The following LOC122539214 variants were observed in gnomAD, a reference collection of about 807,000 sequenced individuals.
At chr19:52,667,060 A>G in the LOC122539214 span, among the ~76,000 whole-genome samples, 1 of 152,212 alleles carries the variant, frequency 6.6e-6, no homozygotes, top group Middle Eastern at 3.2e-3. Context: ...TATTAATAGC[A>G]AAGAATTGAA....
the LOC122539214 span, among the ~76,000 whole-genome samples, chr19:52,675,332 A>C: frequency 1.3e-5 from 2 of 152,356 alleles, no homozygotes; most frequent in South Asian, 4.1e-4. Context: ...CATGTACTTA[A>C]GCACAATAGT....
chr19:52,666,237 CAAAG>C, the LOC122539214 span, among the ~76,000 whole-genome samples: 35 of 148,474 alleles, frequency 2.4e-4, no homozygotes, highest in Admixed American at 2.1e-3. Context: ...AAAAGGGAGT[CAAAG>C]AGAGAGGGAG....
At chr19:52,674,480 A>C in the LOC122539214 span, among the ~76,000 whole-genome samples, 1 of 152,176 alleles carries the variant, frequency 6.6e-6, no homozygotes, top group East Asian at 1.9e-4. Context: ...GAAATAAATA[A>C]AATTTTATTT....
the LOC122539214 span, among the ~76,000 whole-genome samples, chr19:52,689,860 G>T: frequency 1.3e-4 from 20 of 152,366 alleles, no homozygotes; most frequent in Admixed American, 2.0e-4. Flanking sequence ...GGGCAGGCAA[G>T]AACACCCCGT....
At chr19:52,670,082 G>C in the LOC122539214 span, among the ~76,000 whole-genome samples, 3 of 151,634 alleles carry the variant, frequency 2.0e-5, no homozygotes, top group African/African-American at 7.3e-5. Context: ...AACCTTTTTC[G>C]ATCACCTGCT....
the LOC122539214 span, among the ~76,000 whole-genome samples, chr19:52,666,364 G>T: frequency 6.6e-6 from 1 of 151,940 alleles, no homozygotes; most frequent in African/African-American, 2.4e-5. Context: ...GATAATTGAA[G>T]GTCTTCTCCA....
the LOC122539214 span, chr19:52,652,957 T>C: frequency 7.8e-7 from 1 of 1,274,200 alleles, no homozygotes; most frequent in Non-Finnish European, 1.1e-6. Flanking sequence ...ACTGAAGGTC[T>C]TGCCACACTC....
the LOC122539214 span, among the ~76,000 whole-genome samples, chr19:52,678,848 G>A: frequency 6.6e-6 from 1 of 151,978 alleles, no homozygotes; most frequent in South Asian, 2.1e-4. Flanking sequence ...GGTGGTACAT[G>A]CCTGTAATCC....
the LOC122539214 span, among the ~76,000 whole-genome samples, chr19:52,677,978 T>G: frequency 6.6e-6 from 1 of 151,684 alleles, no homozygotes; most frequent in Non-Finnish European, 1.5e-5. Flanking sequence ...GAGGTTGCAG[T>G]GAGCCAAGAT....
chr19:52,657,406 C>T, the LOC122539214 span, among the ~76,000 whole-genome samples: 1 of 151,990 alleles, frequency 6.6e-6, no homozygotes, highest in East Asian at 1.9e-4. Flanking sequence ...GTCAGCAGTT[C>T]GGAGACCAGC....
the LOC122539214 span, among the ~76,000 whole-genome samples, chr19:52,680,738 G>A: frequency 2.8e-4 from 39 of 137,696 alleles, no homozygotes; most frequent in Non-Finnish European, 4.1e-4. Context: ...TCAGCCTCCC[G>A]AGTAACTGGG....
chr19:52,666,482 A>G, the LOC122539214 span, among the ~76,000 whole-genome samples: 2 of 152,036 alleles, frequency 1.3e-5, no homozygotes, highest in Non-Finnish European at 2.9e-5. Flanking sequence ...AAAATCCTTA[A>G]CCCAGTAAAC....
chr19:52,661,905 A>C, the LOC122539214 span, among the ~76,000 whole-genome samples: 1 of 140,340 alleles, frequency 7.1e-6, no homozygotes, highest in Non-Finnish European at 1.6e-5. Context: ...CTTGCAGCTG[A>C]TGGGACAGAG....
chr19:52,652,071 C>T, the LOC122539214 span: 2 of 239,014 alleles, frequency 8.4e-6, no homozygotes, highest in Non-Finnish European at 1.7e-5. Flanking sequence ...AAGACATTGC[C>T]ACACCTATTC....
At chr19:52,666,412 G>T in the LOC122539214 span, among the ~76,000 whole-genome samples, 1 of 152,128 alleles carries the variant, frequency 6.6e-6, no homozygotes, top group East Asian at 1.9e-4. Flanking sequence ...TGTTGTCAGT[G>T]TAAACAATGG....
chr19:52,676,379 T>C, the LOC122539214 span, among the ~76,000 whole-genome samples: 8 of 152,166 alleles, frequency 5.3e-5, no homozygotes, highest in Non-Finnish European at 7.3e-5. Context: ...AGTGCCGAGA[T>C]TGCAGCCTCT....
chr19:52,687,630 A>AT, the LOC122539214 span, among the ~76,000 whole-genome samples: 7 of 12,768 alleles, frequency 5.5e-4, 1 homozygote, highest in African/African-American at 1.6e-3. Flanking sequence ...ATATATATAT[A>AT]ATGTATATAT....
At chr19:52,679,796 T>C in the LOC122539214 span, among the ~76,000 whole-genome samples, 1 of 152,170 alleles carries the variant, frequency 6.6e-6, no homozygotes, top group African/African-American at 2.4e-5. Context: ...TCTGTTTTTA[T>C]GCAAACTCAC....
chr19:52,677,129 AAAAAAAG>A, the LOC122539214 span, among the ~76,000 whole-genome samples: 14 of 44,464 alleles, frequency 3.1e-4, no homozygotes, highest in African/African-American at 3.4e-3. Context: ...TCAATTAAAA[AAAAAAAG>A]AAAAAAAGAA....
Sources: allele counts gnomAD v4.1 joint callset (sites outside exome capture counted in the v4.1 genomes callset), GRCh38; gene constraint gnomAD v4.1.1; transcripts MANE v1.5.